HIPK2: variants seen among roughly 807,000 people sequenced by gnomAD.
HIPK2 encodes the protein homeodomain interacting protein kinase 2.
Under a neutral mutation model 113.7 loss-of-function variants are expected in HIPK2, and 27 were observed. The observed-to-expected ratio is 0.24, with a 90% confidence interval of 0.17 to 0.33. The LOEUF (loss-of-function observed/expected upper bound fraction) is 0.33. Ranked by LOEUF, HIPK2 falls within the 10% of genes least tolerant of loss-of-function variation. HIPK2 has a pLI of 1.00. For synonymous variants in HIPK2, 631 were observed against 642.2 expected (o/e 0.98, Z 0.26); for missense variants, 1,257 against 1,588.0 (o/e 0.79, Z 3.54).
chr7:139,686,684 T>C (rs1338230375), intron 2 of HIPK2, among the ~76,000 whole-genome samples: 2 of 152,238 alleles, frequency 1.3e-5, no homozygotes, highest in African/African-American at 4.8e-5. Context: ...CCCAGCCCTG[T>C]GAAACTGTGA....
chr7:139,598,261 G>A (rs1015843786), intron 11 of HIPK2, among the ~76,000 whole-genome samples: 1 of 152,180 alleles, frequency 6.6e-6, no homozygotes, highest in Non-Finnish European at 1.5e-5. Context: ...TGTCTTTAGA[G>A]ATTCTAGCAC....
intron 2 of HIPK2, among the ~76,000 whole-genome samples, chr7:139,702,404 G>A (rs923537011): frequency 5.3e-5 from 8 of 152,326 alleles, no homozygotes; most frequent in Middle Eastern, 3.4e-3. Flanking sequence ...GCCCAGTCAC[G>A]GGGGTGCATA....
rs1001915143 is a variant in HIPK2 at position 139,721,961 on chromosome 7, G to C, written c.20-4946C>G. ...ACATTTTCATTCACTAAAGGACAGG[G>C]AGTCACCATAACCTAGAACTAAAGC... On this transcript the variant is annotated intron_variant, in intron 1 of 14. Transcript: ENST00000406875. The C allele has an allele frequency of 2.6e-4, 100 of 385,574 alleles. No individual in the cohort carries two copies. The Admixed American group carries it at 2.8e-3, about 11-fold the overall frequency. 23.9% of individuals were successfully genotyped at this position (385,574 alleles called of 1,614,324 possible).
intron 2 of HIPK2, among the ~76,000 whole-genome samples, chr7:139,676,811 C>T (rs1172754317): frequency 6.6e-6 from 1 of 151,852 alleles, no homozygotes; most frequent in Non-Finnish European, 1.5e-5. Context: ...TGCCATACAT[C>T]TAATTGACAA....
intron 7 of HIPK2, among the ~76,000 whole-genome samples, chr7:139,616,098 C>T (rs921937122): frequency 9.9e-5 from 15 of 152,128 alleles, no homozygotes; most frequent in African/African-American, 3.6e-4. Context: ...GTGGGTGTCC[C>T]TGCTGGGGGT....
chr7:139,698,062 G>A (rs1794612791), intron 2 of HIPK2, among the ~76,000 whole-genome samples: 2 of 151,924 alleles, frequency 1.3e-5, no homozygotes, highest in South Asian at 4.1e-4. Flanking sequence ...ACAAGGTTTC[G>A]TTATGTTGGC....
chr7:139,697,086 T>C (rs1006119470), intron 2 of HIPK2, among the ~76,000 whole-genome samples: 2 of 152,200 alleles, frequency 1.3e-5, no homozygotes, highest in Admixed American at 1.3e-4. Context: ...ATAGACAAAA[T>C]ACTCCCCCTT....
Position 139,563,525 on chromosome 7 carries a change from A to G in HIPK2, c.*9402T>C, listed in dbSNP as rs1481620380. The G allele has an allele frequency of 4.2e-6, 1 of 239,712 alleles. No individual in the cohort carries two copies. Among genetic ancestry groups the G allele is most frequent in the Non-Finnish European group, 7.9e-6 (1 of 126,092 alleles). The allele number at this position is 239,712 out of a possible 1,614,324, so 14.8% of individuals were successfully genotyped here. Reference sequence around the variant, plus strand: ...GAGCAGAGGCAGAGCCCTTTTTCAGATACAACATACTTACTTTTCAAATGA... The same window carrying G: ...GAGCAGAGGCAGAGCCCTTTTTCAGGTACAACATACTTACTTTTCAAATGA... On this transcript the variant is annotated 3_prime_UTR_variant, in exon 15 of 15. Coordinates refer to ENST00000406875, the MANE Select transcript of HIPK2 (RefSeq NM_022740.5).
At chr7:139,578,966 G>A (rs1024582962) in intron 13 of HIPK2, among the ~76,000 whole-genome samples, 4 of 152,242 alleles carry the variant, frequency 2.6e-5, no homozygotes, top group African/African-American at 9.6e-5. Context: ...GAGCCACCGT[G>A]CCGGACAGCT....
At chr7:139,639,370 C>T (rs1800925896) in intron 2 of HIPK2, among the ~76,000 whole-genome samples, 1 of 152,192 alleles carries the variant, frequency 6.6e-6, no homozygotes, top group Admixed American at 6.5e-5. Flanking sequence ...GAATTTGTTT[C>T]AAGCTGTCCT....
intron 1 of HIPK2, among the ~76,000 whole-genome samples, chr7:139,721,765 C>T (rs1422358110): frequency 6.6e-6 from 1 of 152,162 alleles, no homozygotes; most frequent in Non-Finnish European, 1.5e-5. Flanking sequence ...AGGGGGACTA[C>T]TGGACTTGGG....
intron 1 of HIPK2, among the ~76,000 whole-genome samples, chr7:139,746,894 C>T (rs369938837): frequency 1.7e-4 from 26 of 152,242 alleles, no homozygotes; most frequent in East Asian, 9.7e-4. Flanking sequence ...TCACACCCCT[C>T]GCTTGTCTCG....
At chr7:139,668,500 T>G (rs762382487) in intron 2 of HIPK2, among the ~76,000 whole-genome samples, 19 of 149,982 alleles carry the variant, frequency 1.3e-4, no homozygotes, top group Non-Finnish European at 2.7e-4. Context: ...AGGCAGAGCT[T>G]GCAGTGAGCA....
chr7:139,698,381 C>T (rs955452631), intron 2 of HIPK2, among the ~76,000 whole-genome samples: 2 of 152,168 alleles, frequency 1.3e-5, no homozygotes, highest in Admixed American at 1.3e-4. Context: ...GGGCTGCTTC[C>T]ACCATTTGGC....
chr7:139,593,235 C>T (rs1799086183), intron 12 of HIPK2, among the ~76,000 whole-genome samples: 2 of 152,218 alleles, frequency 1.3e-5, no homozygotes, highest in Admixed American at 1.3e-4. Context: ...GGGTGAGTCA[C>T]CTACCTTTCC....
At chr7:139,747,092 G>T (rs892935087) in intron 1 of HIPK2, among the ~76,000 whole-genome samples, 1 of 152,040 alleles carries the variant, frequency 6.6e-6, no homozygotes, top group South Asian at 2.1e-4. Flanking sequence ...ACCCCTTTTC[G>T]GTGTGAAACT....
intron 2 of HIPK2, among the ~76,000 whole-genome samples, chr7:139,666,616 A>G (rs1017367221): frequency 1.3e-5 from 2 of 152,214 alleles, no homozygotes; most frequent in African/African-American, 2.4e-5. Context: ...GAATACAATC[A>G]TTTGTTAAGA....
intron 10 of HIPK2, among the ~76,000 whole-genome samples, chr7:139,602,982 C>T (rs1799489115): frequency 6.6e-6 from 1 of 152,090 alleles, no homozygotes; most frequent in Non-Finnish European, 1.5e-5. Context: ...CTCTGTTGCC[C>T]AGGCTGGAGT....
At chr7:139,588,381 G>A (rs569341564) in intron 12 of HIPK2, among the ~76,000 whole-genome samples, 19 of 151,680 alleles carry the variant, frequency 1.3e-4, no homozygotes, top group Non-Finnish European at 7.4e-5. Context: ...CCTGGGTGTG[G>A]TGGCACATGA....
Sources: allele counts gnomAD v4.1 joint callset (sites outside exome capture counted in the v4.1 genomes callset), GRCh38; gene constraint gnomAD v4.1.1; transcripts MANE v1.5; gene names NCBI Gene and HGNC (gene_info 2026-07-23, HGNC 2026-07-21).